The following TM7SF3 variants were observed in gnomAD, a reference collection of about 807,000 sequenced individuals.
TM7SF3 encodes transmembrane 7 superfamily member 3, also known as seven span transmembrane protein.
Under a neutral mutation model 65.5 loss-of-function variants are expected in TM7SF3, and 60 were observed. That is an observed-to-expected ratio of 0.92 (90% CI 0.74 to 1.14). TM7SF3 has a LOEUF of 1.14. TM7SF3 is among the 50% of genes most tolerant of loss of function. The pLI, the probability that TM7SF3 is intolerant of heterozygous loss-of-function variation, is 0.00. For synonymous variants in TM7SF3, 264 were observed against 259.6 expected, an observed-to-expected ratio of 1.02 and a Z score of -0.16; for missense variants, 623 against 684.8, an observed-to-expected ratio of 0.91 and a Z score of 1.01.
chr12:27,011,277 A>G (rs1294912800), intron 1 of TM7SF3, among the ~76,000 whole-genome samples: 2 of 152,226 alleles, frequency 1.3e-5, no homozygotes, highest in African/African-American at 4.8e-5. Flanking sequence ...GAAAGGCCCA[A>G]ATGATGCTGT....
Position 26,974,104 on chromosome 12 carries a change from T to A in TM7SF3, c.1574A>T (p.Glu525Val). 1 of 1,614,166 alleles carries A rather than the reference T, an allele frequency of 6.2e-7. No homozygotes were observed. Among genetic ancestry groups the A allele is most frequent in the East Asian group, 2.2e-5 (1 of 44,884 alleles). Residue 525 changes from glutamate (E) to valine (V), a missense_variant, in exon 12 of 12, where the codon GAG becomes GTG. Glu to Val is a moderately radical substitution (Grantham distance 121). Coordinates refer to ENST00000343028, the MANE Select transcript of TM7SF3 (RefSeq NM_016551.3). Reference protein sequence around the residue: ...HPYKLWKQERERRVTNILDPS... With the variant: ...HPYKLWKQERVRRVTNILDPS... ...GTCCAGAATGTTTGTCACTCGGCGC[T>A]CTCTCTCTTGCTTCCATAACTTGTA...
intron 6 of TM7SF3, among the ~76,000 whole-genome samples, chr12:26,985,172 G>T (rs1322435898): frequency 6.6e-6 from 1 of 152,102 alleles, no homozygotes; most frequent in Non-Finnish European, 1.5e-5. Context: ...GGAAAGAAAT[G>T]GAGGAACCCA....
rs899033490 is a variant in TM7SF3, at chr12:26,974,130, T to C, written c.1548A>G (p.Pro516=). The change falls in exon 12 of 12, where the codon CCA becomes CCG. Residue 516 remains proline, a synonymous_variant. Coordinates refer to ENST00000343028, the MANE Select transcript of TM7SF3 (RefSeq NM_016551.3). ...CTCTCTCTTGCTTCCATAACTTGTA[T>C]GGGTGGGGAGGGAAGAACGGTCGTC... ...ERGRPFFPPH[P]YKLWKQERER... The C allele has an allele frequency of 3.1e-6, 5 of 1,614,046 alleles. No individual in the cohort carries two copies. Among genetic ancestry groups the C allele is most frequent in the African/African-American group, 2.7e-5 (2 of 74,906 alleles).
chr12:27,014,184 G>A lies in TM7SF3; in HGVS notation c.-16C>T, dbSNP rs1022768936. The A allele has an allele frequency of 1.9e-6, 3 of 1,552,470 alleles. No homozygotes were observed. The highest frequency in any genetic ancestry group is 2.6e-6 in the Non-Finnish European group (3 of 1,147,734). On this transcript the variant is annotated 5_prime_UTR_variant, in exon 1 of 12. Transcript: ENST00000343028. ...GGAACCCCATTGCTGCCTGGGCCGG[G>A]CTGGGCCCACGCCAGGGCTGGGGAG...
intron 5 of TM7SF3, among the ~76,000 whole-genome samples, chr12:26,994,599 G>A (rs535857403): frequency 2.0e-5 from 3 of 152,202 alleles, no homozygotes; most frequent in African/African-American, 4.8e-5. Context: ...CACCCGCCTC[G>A]GCCTCCCAAA....
chr12:26,978,807 C>G (rs555031466), intron 9 of TM7SF3: 2 of 150,234 alleles, frequency 1.3e-5, no homozygotes, highest in Non-Finnish European at 2.9e-5. Flanking sequence ...TGGTCTCAAA[C>G]TTGAGCTCAA....
chr12:26,996,837 C>T lies in TM7SF3; in HGVS notation c.423G>A (p.Leu141=), dbSNP rs374912703. ...ERDPVPGGCN[L]EFDLDIDPNI... is the part of the protein sequence containing the mutation. ...TGGGATCAATATCTAAATCGAACTCCAAATTACAGCCTCCAGGGACAGGAT... is the reference window on the plus strand; with the variant it reads ...TGGGATCAATATCTAAATCGAACTCTAAATTACAGCCTCCAGGGACAGGAT... Residue 141 remains leucine, a synonymous_variant, in exon 4 of 12, where the codon TTG becomes TTA. Transcript: ENST00000343028. 5.6e-6 allele frequency: 9 copies of T among 1,612,258 alleles called. No homozygotes were observed. The highest frequency in any genetic ancestry group is 1.1e-5 in the South Asian group (1 of 90,738).
chr12:26,981,489 A>G (rs1014181798), intron 7 of TM7SF3, among the ~76,000 whole-genome samples: 1 of 152,000 alleles, frequency 6.6e-6, no homozygotes, highest in African/African-American at 2.4e-5. Context: ...AGCCTAGGAG[A>G]CACAGTGAGA....
intron 1 of TM7SF3, among the ~76,000 whole-genome samples, chr12:27,004,504 A>C (rs1940956426): frequency 6.6e-6 from 1 of 152,186 alleles, no homozygotes; most frequent in African/African-American, 2.4e-5. Flanking sequence ...GCGGTAAAAC[A>C]TTTCAGATAC....
In TM7SF3 at chr12:26,974,142, G is replaced by A; in HGVS notation, c.1536C>T (p.Phe512=). The change falls in exon 12 of 12, where the codon TTC becomes TTT. Residue 512 remains phenylalanine (F), a synonymous_variant. Coordinates refer to ENST00000343028, the MANE Select transcript of TM7SF3 (RefSeq NM_016551.3). ...TCCATAACTTGTATGGGTGGGGAGG[G>A]AAGAACGGTCGTCCTCTCTCTCTTC... is the stretch of plus-strand genomic sequence containing the variant. The part of the protein sequence containing the change: ...QIRRERGRPF[F]PPHPYKLWKQ... 6.2e-7 allele frequency: 1 copy of A among 1,614,184 alleles called. No individual in the cohort carries two copies. The highest frequency in any genetic ancestry group is 2.2e-5 in the East Asian group (1 of 44,886).
chr12:26,999,751 A>G lies in TM7SF3; in HGVS notation c.247-75T>C, dbSNP rs149478236. The G allele has an allele frequency of 1.1e-3, 1,599 of 1,471,952 alleles. 16 individuals are homozygous for G. The African/African-American group carries it at 0.018, about 17-fold the overall frequency. The allele number at this position is 1,471,952 out of a possible 1,614,324, so 91.2% of individuals were successfully genotyped here. ...AAATTACTGAGCTGATCCAGTGTGC[A>G]TGTCCTATTCCAAATCTTCCCAAAA... is the stretch of plus-strand genomic sequence containing the variant. On this transcript the variant is annotated intron_variant, in intron 2 of 11. Coordinates refer to ENST00000343028, the MANE Select transcript of TM7SF3 (RefSeq NM_016551.3).
chr12:26,983,376 A>C, intron 6 of TM7SF3: 1 of 346,040 alleles, frequency 2.9e-6, no homozygotes. Context: ...TCCAGAAGCA[A>C]ACTCTGGCTG....
chr12:26,980,182 A>G (rs1939755529), intron 8 of TM7SF3: 2 of 576,508 alleles, frequency 3.5e-6, no homozygotes, highest in South Asian at 4.4e-5. Context: ...TTGTCAATAA[A>G]TTGGGATTGA....
At position 26,973,670 on chromosome 12, in the gene TM7SF3, T is replaced by C. The variant is rs1300747603; in HGVS notation, c.*295A>G. On this transcript the variant is annotated 3_prime_UTR_variant, in exon 12 of 12. Coordinates refer to ENST00000343028, the MANE Select transcript of TM7SF3 (RefSeq NM_016551.3). ...GAATCAGTTTTTAATTTTTTTAATG[T>C]ATCTATTTAATGGAATAAGTTGATC... The C allele has an allele frequency of 1.5e-5, 4 of 273,730 alleles. No individual in the cohort carries two copies. The highest frequency in any genetic ancestry group is 8.8e-5 in the African/African-American group (4 of 45,358). The allele number at this position is 273,730 out of a possible 1,614,324, so 17.0% of individuals were successfully genotyped here.
rs143726582 is a variant in TM7SF3 at position 26,998,123 on chromosome 12, G to A, written c.398-1261C>T. 2.2e-3 allele frequency among the ~76,000 whole-genome samples: 337 copies of A among 152,168 alleles called. 1 individual carries two copies. Among genetic ancestry groups the A allele is most frequent in the African/African-American group, 7.9e-3 (328 of 41,512 alleles). On this transcript the variant is annotated intron_variant, in intron 3 of 11. Transcript: ENST00000343028. The stretch of plus-strand genomic sequence containing the variant: ...GCTGGGATTACAGGTGTGAGCCACC[G>A]TGCCCGGCCTGCTCCCTTTTAAAGG...
intron 7 of TM7SF3, among the ~76,000 whole-genome samples, chr12:26,981,252 T>TA (rs547359081): frequency 6.6e-6 from 1 of 152,230 alleles, no homozygotes; most frequent in Non-Finnish European, 1.5e-5. Flanking sequence ...CCTATTTTCT[T>TA]AAATTCTTCA....
rs146058178 is a variant in TM7SF3 at position 27,003,353 on chromosome 12, G to A, written c.129C>T (p.Phe43=). ...CCTCTGGAAAGGGCCTATTGAGCTC[G>A]AAGTATCTAAATTTCCCCACAGAAA... is the stretch of plus-strand genomic sequence containing the variant. The part of the protein sequence containing the change: ...IEFSVGKFRY[F]ELNRPFPEEA... Residue 43 remains phenylalanine (F), a synonymous_variant, in exon 2 of 12, where the codon TTC becomes TTT. Coordinates refer to ENST00000343028, the MANE Select transcript of TM7SF3 (RefSeq NM_016551.3). The A allele has an allele frequency of 1.2e-5, 20 of 1,612,808 alleles. No homozygotes were observed. Among genetic ancestry groups the A allele is most frequent in the Non-Finnish European group, 1.4e-5 (17 of 1,179,746 alleles).
At position 26,977,327 on chromosome 12, in the gene TM7SF3, G is replaced by A. The variant is rs552444401; in HGVS notation, c.1190-970C>T. 3.3e-5 allele frequency among the ~76,000 whole-genome samples: 5 copies of A among 152,348 alleles called. 1 individual carries two copies. Among genetic ancestry groups the A allele is most frequent in the African/African-American group, 7.2e-5 (3 of 41,588 alleles). On this transcript the variant is annotated intron_variant, in intron 9 of 11. Coordinates refer to ENST00000343028, the MANE Select transcript of TM7SF3 (RefSeq NM_016551.3). ...AAATCTAAGTATTGAAAATAGTTAC[G>A]ATGCATGCATGTGAAGAACGGACCC...
intron 5 of TM7SF3, among the ~76,000 whole-genome samples, chr12:26,994,859 T>C (rs1940524600): frequency 6.6e-6 from 1 of 152,232 alleles, no homozygotes; most frequent in Non-Finnish European, 1.5e-5. Flanking sequence ...TGAATGCCAA[T>C]GTGTATATCC....
Sources: allele counts gnomAD v4.1 joint callset (sites outside exome capture counted in the v4.1 genomes callset), GRCh38; gene constraint gnomAD v4.1.1; transcripts MANE v1.5; gene names NCBI Gene and HGNC (gene_info 2026-07-23, HGNC 2026-07-21).